The following HS3ST3A1 variants were observed in gnomAD, a reference collection of about 807,000 sequenced individuals.
HS3ST3A1 encodes heparan sulfate glucosamine 3-O-sulfotransferase 3A1.
Under a neutral mutation model 25.7 loss-of-function variants are expected in HS3ST3A1, and 19 were observed. That is an observed-to-expected ratio of 0.74 (90% CI 0.52 to 1.08). The LOEUF (loss-of-function observed/expected upper bound fraction) is 1.08. Ranked by LOEUF, HS3ST3A1 falls within the 50% of genes least tolerant of loss-of-function variation. The probability of loss-of-function intolerance (pLI) is 0.00; values close to 1 mark genes in which losing one functional copy is unlikely to be tolerated. For synonymous variants in HS3ST3A1, 226 were observed against 278.6 expected (o/e 0.81, Z 1.88); for missense variants, 459 against 594.3 (o/e 0.77, Z 2.37).
chr17:13,509,757 C>G (rs1202313949), intron 1 of HS3ST3A1, among the ~76,000 whole-genome samples: 2 of 152,172 alleles, frequency 1.3e-5, no homozygotes, highest in East Asian at 3.8e-4. Flanking sequence ...CTTAGAAATC[C>G]CCTAATCCAG....
At chr17:13,537,999 T>C (rs78835672) in intron 1 of HS3ST3A1, among the ~76,000 whole-genome samples, 2,334 of 152,346 alleles carry the variant, frequency 0.015, 57 homozygotes, top group African/African-American at 0.053. Flanking sequence ...ACTAATACAA[T>C]AAACATTCTT....
At chr17:13,565,475 T>C (rs1173316205) in intron 1 of HS3ST3A1, among the ~76,000 whole-genome samples, 1 of 152,176 alleles carries the variant, frequency 6.6e-6, no homozygotes, top group African/African-American at 2.4e-5. Flanking sequence ...AAGGCTGCAG[T>C]GAGCTGTGAT....
intron 1 of HS3ST3A1, among the ~76,000 whole-genome samples, chr17:13,591,672 T>G (rs555936160): frequency 6.9e-6 from 1 of 145,882 alleles, no homozygotes; most frequent in South Asian, 2.5e-4. Context: ...TTTTTTTTTT[T>G]TTTTGGGACA....
intron 1 of HS3ST3A1, among the ~76,000 whole-genome samples, chr17:13,564,175 T>C (rs1055085118): frequency 2.0e-5 from 3 of 152,182 alleles, no homozygotes; most frequent in Non-Finnish European, 2.9e-5. Flanking sequence ...CTGAACTTCC[T>C]TTTGCCAATG....
intron 1 of HS3ST3A1, among the ~76,000 whole-genome samples, chr17:13,551,523 A>G (rs1204306055): frequency 2.0e-5 from 3 of 150,990 alleles, no homozygotes. Flanking sequence ...TCCTGTTCAG[A>G]AGGGGTTACT....
intron 1 of HS3ST3A1, among the ~76,000 whole-genome samples, chr17:13,524,131 A>T (rs1199315338): frequency 6.6e-6 from 1 of 152,114 alleles, no homozygotes; most frequent in Non-Finnish European, 1.5e-5. Flanking sequence ...CTTTGTTATT[A>T]CTTGTCACTC....
chr17:13,581,421 C>T (rs1178007800), intron 1 of HS3ST3A1, among the ~76,000 whole-genome samples: 1 of 146,808 alleles, frequency 6.8e-6, no homozygotes, highest in Non-Finnish European at 1.5e-5. Context: ...GGGCTGAGAT[C>T]GAGCCACTGC....
At chr17:13,536,831 T>G (rs957266552) in intron 1 of HS3ST3A1, among the ~76,000 whole-genome samples, 3 of 152,198 alleles carry the variant, frequency 2.0e-5, no homozygotes, top group Non-Finnish European at 4.4e-5. Context: ...ACTGCAGTCT[T>G]AAAATTCTCA....
chr17:13,568,185 A>C lies in HS3ST3A1; in HGVS notation c.599+32346T>G, dbSNP rs1253422471. ...AAAGATTACAACTCACTGAAGACTC[A>C]GCTGATCATTAGTACTTTGTTAGCA... is the stretch of plus-strand genomic sequence containing the variant. On this transcript the variant is annotated intron_variant, in intron 1 of 1. Coordinates refer to ENST00000284110, the MANE Select transcript of HS3ST3A1 (RefSeq NM_006042.3). 9.2e-5 allele frequency among the ~76,000 whole-genome samples: 14 copies of C among 152,376 alleles called. No homozygotes were observed. In the East Asian group the frequency reaches 2.7e-3, roughly 29 times the overall value.
At chr17:13,559,797 G>A (rs998247754) in intron 1 of HS3ST3A1, among the ~76,000 whole-genome samples, 11 of 151,832 alleles carry the variant, frequency 7.2e-5, no homozygotes, top group Non-Finnish European at 1.5e-4. Flanking sequence ...AGACTGAGGG[G>A]CAATGTGTAA....
intron 1 of HS3ST3A1, among the ~76,000 whole-genome samples, chr17:13,571,957 G>C (rs146969537): frequency 6.6e-6 from 1 of 151,922 alleles, no homozygotes; most frequent in Non-Finnish European, 1.5e-5. Flanking sequence ...ACGGGGTTTC[G>C]CCACACTAGC....
intron 1 of HS3ST3A1, among the ~76,000 whole-genome samples, chr17:13,501,321 C>G (rs1302267573): frequency 6.0e-5 from 9 of 150,830 alleles, no homozygotes; most frequent in Admixed American, 5.9e-4. Flanking sequence ...CTTAACACCA[C>G]TGAACCTAAC....
chr17:13,520,122 C>T (rs1906184011), intron 1 of HS3ST3A1, among the ~76,000 whole-genome samples: 1 of 152,122 alleles, frequency 6.6e-6, no homozygotes, highest in Admixed American at 6.6e-5. Context: ...CAGTTGCTTG[C>T]CACCACCTCC....
chr17:13,508,461 T>A (rs1161804081), intron 1 of HS3ST3A1, among the ~76,000 whole-genome samples: 3 of 152,192 alleles, frequency 2.0e-5, no homozygotes, highest in Non-Finnish European at 4.4e-5. Flanking sequence ...CAAGTAAGAA[T>A]CCTTTATGTT....
chr17:13,583,693 A>G (rs901018451), intron 1 of HS3ST3A1, among the ~76,000 whole-genome samples: 1 of 152,242 alleles, frequency 6.6e-6, no homozygotes, highest in African/African-American at 2.4e-5. Flanking sequence ...AGATGACATG[A>G]ACATAGTTGT....
intron 1 of HS3ST3A1, among the ~76,000 whole-genome samples, chr17:13,523,241 C>A (rs570493750): frequency 1.3e-5 from 2 of 152,154 alleles, no homozygotes; most frequent in South Asian, 4.2e-4. Context: ...GAAGAACTGG[C>A]CATATAGTTG....
chr17:13,504,445 C>A (rs1169826405), intron 1 of HS3ST3A1, among the ~76,000 whole-genome samples: 1 of 152,138 alleles, frequency 6.6e-6, no homozygotes, highest in Non-Finnish European at 1.5e-5. Context: ...TCATCTATCC[C>A]ATTCAATATC....
chr17:13,531,960 G>C (rs1906618805), intron 1 of HS3ST3A1, among the ~76,000 whole-genome samples: 2 of 152,180 alleles, frequency 1.3e-5, no homozygotes, highest in African/African-American at 4.8e-5. Flanking sequence ...ACATCAAGGG[G>C]AGGTGGTAGG....
chr17:13,571,956 C>T lies in HS3ST3A1; in HGVS notation c.599+28575G>A, dbSNP rs183897716. Among the ~76,000 whole-genome samples the T allele has an allele frequency of 8.5e-5, 13 of 152,144 alleles. No homozygotes were observed. In the East Asian group the frequency reaches 2.1e-3, roughly 25 times the overall value. On this transcript the variant is annotated intron_variant, in intron 1 of 1. Coordinates refer to ENST00000284110, the MANE Select transcript of HS3ST3A1 (RefSeq NM_006042.3). ...TGTATTTTTAGTACAGACGGGGTTTCGCCACACTAGCCAGTTGGTCTCGAA... is the reference window on the plus strand; with the variant it reads ...TGTATTTTTAGTACAGACGGGGTTTTGCCACACTAGCCAGTTGGTCTCGAA...
Sources: gnomAD v4.1 joint callset for allele counts (sites outside exome capture counted in the v4.1 genomes callset) on GRCh38, gnomAD v4.1.1 for gene constraint, MANE v1.5 for transcripts, NCBI Gene and HGNC (gene_info 2026-07-23, HGNC 2026-07-21) for gene names.